Variants in ATP8A1 observed in about 807,000 individuals in gnomAD.
ATP8A1 encodes the protein phospholipid-transporting ATPase IA.
ATP8A1 carries 90 observed loss-of-function variants against 177.7 expected under a neutral mutation model. That is an observed-to-expected ratio of 0.51 (90% CI 0.43 to 0.60). The LOEUF (loss-of-function observed/expected upper bound fraction) is 0.60, where lower values mean the gene tolerates loss of function less well. Among genes scored for constraint, ATP8A1 ranks in the 20% least tolerant of loss-of-function variants. ATP8A1 has a pLI of 0.00. For synonymous variants in ATP8A1, 493 were observed against 485.9 expected (o/e 1.01, Z -0.19); for missense variants, 1,072 against 1,392.8 (o/e 0.77, Z 3.67).
At chr4:42,624,503 T>C in intron 4 of ATP8A1, 33 bp downstream of exon 4, 2 of 1,175,348 alleles carry the variant, frequency 1.7e-6, no homozygotes, top group South Asian at 3.4e-5. Flanking sequence ...AATAACAAAG[T>C]CACATACAAT....
chr4:42,414,816 G>GAT, intron 35 of ATP8A1, 98 bp from the exon 36 acceptor site: 1 of 845,378 alleles, frequency 1.2e-6, no homozygotes, highest in Non-Finnish European at 2.0e-6. Flanking sequence ...TTAAACAAAA[G>GAT]ATTGCTCGAG....
chr4:42,605,868 C>T (rs2109416270), intron 5 of ATP8A1, among the ~76,000 whole-genome samples: 1 of 152,284 alleles, frequency 6.6e-6, no homozygotes, highest in South Asian at 2.1e-4. Context: ...AATACATATT[C>T]AATGTTTTCT....
At chr4:42,414,976 A>AC in intron 35 of ATP8A1, 3 of 445,858 alleles carry the variant, frequency 6.7e-6, no homozygotes, top group South Asian at 5.8e-5. Context: ...TCTCCTCACC[A>AC]CCCCCCACTC....
At chr4:42,637,259 C>T (rs1173433646) in intron 1 of ATP8A1, 5 of 514,916 alleles carry the variant, frequency 9.7e-6, no homozygotes, top group Non-Finnish European at 1.9e-5. Flanking sequence ...GCCCTACTTG[C>T]TGGATCAGAT....
In ATP8A1 at chr4:42,588,345, G is replaced by A; in HGVS notation, c.525-16C>T. ...TTGGGGCTCACTGTAGTTTGGAGTT[G>A]AGAAGCACAAAGATTTAGTGCGGGA... On this transcript the variant is annotated splice_polypyrimidine_tract_variant and intron_variant, in intron 7 of 36. Coordinates refer to ENST00000381668, the MANE Select transcript of ATP8A1 (RefSeq NM_006095.2). 1 of 1,607,250 alleles carries A rather than the reference G, an allele frequency of 6.2e-7. No homozygotes were observed. Among genetic ancestry groups the A allele is most frequent in the Non-Finnish European group, 8.5e-7 (1 of 1,175,054 alleles).
At position 42,408,749 on chromosome 4, in the gene ATP8A1, T is replaced by C. The variant is rs1368001985; in HGVS notation, c.*4167A>G. The C allele has an allele frequency of 6.6e-6, 1 of 152,170 alleles. No homozygotes were observed. The highest frequency in any genetic ancestry group is 6.5e-5 in the Admixed American group (1 of 15,272). The allele number at this position is 152,170 out of a possible 1,614,324, so 9.4% of individuals were successfully genotyped here. A position where few individuals can be genotyped will look rare whatever the true frequency, so the allele number is the denominator to read the frequency against. On this transcript the variant is annotated 3_prime_UTR_variant, in exon 37 of 37. Coordinates refer to ENST00000381668, the MANE Select transcript of ATP8A1 (RefSeq NM_006095.2). ...TTTCTTAACCTAATAAACTTGAAAATGTAAAAAATGACGATTAAAGTAGTT... is the reference window on the plus strand; with the variant it reads ...TTTCTTAACCTAATAAACTTGAAAACGTAAAAAATGACGATTAAAGTAGTT...
At chr4:42,636,119 TAC>T (rs544619447) in intron 1 of ATP8A1, among the ~76,000 whole-genome samples, 1,602 of 78,980 alleles carry the variant, frequency 0.02, 11 homozygotes, top group African/African-American at 0.047. Context: ...ATGGGCTTAA[TAC>T]ACACACACAC....
At chr4:42,485,973 T>G (rs1217194828) in intron 24 of ATP8A1, among the ~76,000 whole-genome samples, 1 of 152,176 alleles carries the variant, frequency 6.6e-6, no homozygotes, top group East Asian at 1.9e-4. Context: ...TAACCATCAT[T>G]GTTTGAAATG....
At position 42,577,352 on chromosome 4, in the gene ATP8A1, T is replaced by A. The variant is rs550214503; in HGVS notation, c.1128+908A>T. Among the ~76,000 whole-genome samples the A allele has an allele frequency of 7.9e-5, 12 of 152,288 alleles. No homozygotes were observed. The South Asian group carries it at 2.1e-3, about 26-fold the overall frequency. On this transcript the variant is annotated intron_variant, in intron 12 of 36. Transcript: ENST00000381668. ...CTACACCTGCAGCTCATTTTAGATT[T>A]CTAAATCACACTGATTTCTTACCAA...
At chr4:42,547,255 C>T (rs1385079458) in intron 19 of ATP8A1, among the ~76,000 whole-genome samples, 1 of 152,190 alleles carries the variant, frequency 6.6e-6, no homozygotes, top group Non-Finnish European at 1.5e-5. Flanking sequence ...TCACCCCTTC[C>T]TCGTTTCGCC....
chr4:42,622,466 T>C (rs2345651), intron 4 of ATP8A1, among the ~76,000 whole-genome samples: 34,390 of 151,998 alleles, frequency 0.23, 4,352 homozygotes, highest in Non-Finnish European at 0.29. Context: ...TAGGCACTAC[T>C]ATTCAGGACA....
At chr4:42,580,014 A>G in intron 10 of ATP8A1, 36 bp from the exon 11 acceptor site, 1 of 1,512,380 alleles carries the variant, frequency 6.6e-7, no homozygotes, top group South Asian at 1.2e-5. Flanking sequence ...TAAAAAATGT[A>G]CACCAATGAT....
intron 6 of ATP8A1, among the ~76,000 whole-genome samples, chr4:42,592,721 T>C (rs1298348717): frequency 1.3e-5 from 2 of 152,114 alleles, no homozygotes; most frequent in African/African-American, 2.4e-5. Flanking sequence ...TGGTATAGTC[T>C]ATAGGCCATA....
At chr4:42,633,106 G>A (rs573958788) in intron 1 of ATP8A1, among the ~76,000 whole-genome samples, 1 of 152,178 alleles carries the variant, frequency 6.6e-6, no homozygotes, top group Admixed American at 6.5e-5. Context: ...GAAGTGAAAT[G>A]GTGCTTTGTG....
chr4:42,575,510 A>C, intron 13 of ATP8A1, 112 bp downstream of exon 13: 1 of 804,192 alleles, frequency 1.2e-6, no homozygotes, highest in Non-Finnish European at 2.1e-6. Context: ...ATATTATTCA[A>C]ATAGTGGAAA....
intron 33 of ATP8A1, among the ~76,000 whole-genome samples, chr4:42,429,823 A>G (rs1264421667): frequency 6.6e-6 from 1 of 152,264 alleles, no homozygotes; most frequent in Non-Finnish European, 1.5e-5. Flanking sequence ...GGCCCACGTT[A>G]CAACATGGAT....
chr4:42,439,982 C>A (rs902057886), intron 33 of ATP8A1, among the ~76,000 whole-genome samples: 2 of 152,178 alleles, frequency 1.3e-5, no homozygotes, highest in African/African-American at 4.8e-5. Flanking sequence ...CTTCTCTGTG[C>A]CTCAATTTCC....
intron 33 of ATP8A1, among the ~76,000 whole-genome samples, chr4:42,440,343 T>G (rs1362941550): frequency 2.6e-5 from 4 of 151,906 alleles, no homozygotes; most frequent in African/African-American, 9.7e-5. Context: ...CAGTTTTTTT[T>G]TTTTTTTTTT....
intron 33 of ATP8A1, among the ~76,000 whole-genome samples, chr4:42,424,153 T>G (rs1278297358): frequency 6.6e-6 from 1 of 152,110 alleles, no homozygotes; most frequent in Non-Finnish European, 1.5e-5. Flanking sequence ...GCATACCTGT[T>G]ATTGCTAAAG....
Sources: gnomAD v4.1 joint callset for allele counts (sites outside exome capture counted in the v4.1 genomes callset) on GRCh38, gnomAD v4.1.1 for gene constraint, MANE v1.5 for transcripts, NCBI Gene and HGNC (gene_info 2026-07-23, HGNC 2026-07-21) for gene names.